NXF1: variants seen among roughly 807,000 people sequenced by gnomAD.
The protein encoded by NXF1 is nuclear RNA export factor 1.
NXF1 carries 43 observed loss-of-function variants against 92.4 expected under a neutral mutation model. That is an observed-to-expected ratio of 0.47 (90% CI 0.36 to 0.60). The LOEUF is 0.60. Ranked by LOEUF, NXF1 falls within the 20% of genes least tolerant of loss-of-function variation. The pLI, the probability that NXF1 is intolerant of heterozygous loss-of-function variation, is 0.00. For synonymous variants in NXF1, 288 were observed against 292.2 expected, an observed-to-expected ratio of 0.99 and a Z score of 0.15; for missense variants, 576 against 793.0, an observed-to-expected ratio of 0.73 and a Z score of 3.29.
intron 17 of NXF1, 181 bp from the exon 18 acceptor site, chr11:62,795,188 A>AT (rs2084407560): frequency 1.7e-6 from 1 of 575,810 alleles, no homozygotes; most frequent in Admixed American, 2.8e-5. Flanking sequence ...GACAATAGTA[A>AT]TAACTACGGC....
Position 62,801,928 on chromosome 11 carries a change from C to A in NXF1, c.558+14G>T, listed in dbSNP as rs1402928856. On this transcript the variant is annotated intron_variant, in intron 5 of 20. Transcript: ENST00000294172. ...AACCTCCACCTCCAGCCAAGCCAGG[C>A]CCTTTAAACACACCCTTCGGTTCTC... 1.2e-6 allele frequency: 2 copies of A among 1,613,206 alleles called. No individual in the cohort carries two copies. Among genetic ancestry groups the A allele is most frequent in the Non-Finnish European group, 8.5e-7 (1 of 1,179,130 alleles).
At chr11:62,798,621 G>A in intron 10 of NXF1, 46 bp from the exon 11 acceptor site, 1 of 1,609,986 alleles carries the variant, frequency 6.2e-7, no homozygotes, top group Non-Finnish European at 8.5e-7. Context: ...GAGCCACCGT[G>A]CCTCCTGGGC....
rs879028292 is a variant in NXF1 at position 62,794,199 on chromosome 11, A to G, written c.1760+59T>C. ...AACAAAAAAACTGTCAGGAGCCCTC[A>G]TTATTTACTACTAGCCCTACTTCAG... On this transcript the variant is annotated intron_variant, in intron 19 of 20. Coordinates refer to ENST00000294172, the MANE Select transcript of NXF1 (RefSeq NM_006362.5). The G allele has an allele frequency of 2.7e-6, 4 of 1,504,460 alleles. No homozygotes were observed. In the South Asian group the frequency reaches 3.7e-5, roughly 14 times the overall value. 93.2% of individuals were successfully genotyped at this position (1,504,460 alleles called of 1,614,324 possible).
rs762440318 is a variant in NXF1 at position 62,792,451 on chromosome 11, G to A, written c.*25C>T. 3.7e-6 allele frequency: 6 copies of A among 1,613,776 alleles called. No individual in the cohort carries two copies. The Admixed American group carries it at 6.7e-5, about 18-fold the overall frequency. ...ATATCCAAGGACTATTTACAGGGGG[G>A]ACTGCTTCTGAGGCATGACTACGAT... On this transcript the variant is annotated 3_prime_UTR_variant, in exon 21 of 21. Coordinates refer to ENST00000294172, the MANE Select transcript of NXF1 (RefSeq NM_006362.5).
chr11:62,797,080 A>AC, intron 13 of NXF1, 103 bp downstream of exon 13: 1 of 1,097,948 alleles, frequency 9.1e-7, no homozygotes, highest in Non-Finnish European at 1.3e-6. Flanking sequence ...AAAAAAAAAA[A>AC]AAACAAAACA....
chr11:62,802,205 T>G lies in NXF1; in HGVS notation c.425A>C (p.Lys142Thr). The change falls in exon 4 of 21, where the codon AAG becomes ACG. Residue 142 changes from lysine to threonine, a missense_variant. Lys to Thr is a moderately conservative substitution (Grantham distance 78, BLOSUM62 -1). Around this residue, in one of 2 missense-constraint regions of NXF1, gnomAD observed 425 missense variants for 635.2 expected, o/e 0.67. Coordinates refer to ENST00000294172, the MANE Select transcript of NXF1 (RefSeq NM_006362.5). ...KAWLLSMIQS[K>T]CSVPFTPIEF... Reference sequence around the variant, plus strand: ...AATAGGGGTGAAGGGCACACTGCACTTGCTCTGAATCATGCTCAGGAGCCA... The same window carrying G: ...AATAGGGGTGAAGGGCACACTGCACGTGCTCTGAATCATGCTCAGGAGCCA... 1.2e-6 allele frequency: 2 copies of G among 1,614,226 alleles called. No homozygotes were observed. Among genetic ancestry groups the G allele is most frequent in the African/African-American group, 2.7e-5 (2 of 75,062 alleles).
intron 6 of NXF1, 24 bp from the exon 7 acceptor site, chr11:62,801,655 T>C: frequency 1.9e-6 from 3 of 1,613,002 alleles, no homozygotes; most frequent in Non-Finnish European, 1.7e-6. Flanking sequence ...AAGGGTTTAG[T>C]GGTCACTGGG....
At chr11:62,793,134 A>T (rs2084383933) in intron 19 of NXF1, among the ~76,000 whole-genome samples, 1 of 149,708 alleles carries the variant, frequency 6.7e-6, no homozygotes, top group African/African-American at 2.5e-5. Flanking sequence ...GCTGGAGTGC[A>T]GTGGCGTGAT....
chr11:62,804,200 T>A, intron 1 of NXF1: 1 of 1,514,206 alleles, frequency 6.6e-7, no homozygotes, highest in Non-Finnish European at 8.8e-7. Context: ...TTTTGAAAAA[T>A]GAAGTAGAAA....
At chr11:62,805,291 CCA>C (rs2084524798) in intron 1 of NXF1, 36 bp downstream of exon 1, 1 of 1,586,234 alleles carries the variant, frequency 6.3e-7, no homozygotes, top group South Asian at 1.1e-5. Context: ...CACCCGCGCC[CCA>C]GATAGCCAGT....
At chr11:62,800,828 G>A (rs540519997) in intron 9 of NXF1, among the ~76,000 whole-genome samples, 14 of 152,070 alleles carry the variant, frequency 9.2e-5, no homozygotes, top group South Asian at 2.1e-4. Flanking sequence ...AGAATGCAAC[G>A]GCACAATCAT....
At position 62,801,115 on chromosome 11, in the gene NXF1, G is replaced by A. The variant is rs144471031; in HGVS notation, c.885C>T (p.Ile295=). ...TCACTTCATTTCCAGAAAGGTTTAG[G>A]ATCTTCAGGTTGGGTGCCTTCTGAA... The part of the protein sequence containing the change: ...SIVQKAPNLK[I]LNLSGNELKS... Residue 295 remains isoleucine, a synonymous_variant, in exon 9 of 21, where the codon ATC becomes ATT. Transcript: ENST00000294172. 123 of 1,613,750 alleles carry A rather than the reference G, an allele frequency of 7.6e-5. No homozygotes were observed. Among genetic ancestry groups the A allele is most frequent in the Non-Finnish European group, 1.0e-4 (120 of 1,179,806 alleles).
Position 62,800,358 on chromosome 11 carries a change from GAC to G in NXF1, c.1016+17_1016+18del. ...GGGGGTGAAGGTCCCCAGGAGGGGA[GAC>G]ACAGGCTACAACTGACCTGATGTAG... is the stretch of plus-strand genomic sequence containing the variant. On this transcript the variant is annotated intron_variant, in intron 10 of 20. Coordinates refer to ENST00000294172, the MANE Select transcript of NXF1 (RefSeq NM_006362.5). The G allele has an allele frequency of 3.1e-6, 5 of 1,613,936 alleles. No individual in the cohort carries two copies. Among genetic ancestry groups the G allele is most frequent in the Non-Finnish European group, 2.5e-6 (3 of 1,179,928 alleles).
rs779885007 is a variant in NXF1, at chr11:62,798,520, GA to G, written c.1053+18del. 1.5e-5 allele frequency: 24 copies of G among 1,613,778 alleles called. No individual in the cohort carries two copies. In the Middle Eastern group the frequency reaches 6.6e-4, roughly 44 times the overall value. ...TGAGAGATGCTGTGCTTGTTAGAAT[GA>G]AAAAATTATGGACTTACCAGGCGTA... On this transcript the variant is annotated intron_variant, in intron 11 of 20. Transcript: ENST00000294172.
intron 18 of NXF1, 132 bp downstream of exon 18, chr11:62,794,803 C>A: frequency 2.5e-6 from 2 of 808,736 alleles, no homozygotes; most frequent in Non-Finnish European, 4.0e-6. Flanking sequence ...TGGCTCTTAA[C>A]TACTATGTGA....
At chr11:62,796,019 C>T in intron 16 of NXF1, 47 bp downstream of exon 16, 1 of 1,598,932 alleles carries the variant, frequency 6.3e-7, no homozygotes, top group Non-Finnish European at 8.6e-7. Flanking sequence ...TTAAATGCCA[C>T]CCCCACCCCA....
Position 62,803,579 on chromosome 11 carries a change from G to A in NXF1, c.216-7C>T. On this transcript the variant is annotated splice_polypyrimidine_tract_variant and splice_region_variant and intron_variant, in intron 2 of 20. Transcript: ENST00000294172. The stretch of plus-strand genomic sequence containing the variant: ...TCGGGTGGTATAGGGGTTGCTGTGG[G>A]TAAGCAGAGAATAAAATGACCACAA... 6.2e-7 allele frequency: 1 copy of A among 1,614,012 alleles called. No homozygotes were observed. The highest frequency in any genetic ancestry group is 8.5e-7 in the Non-Finnish European group (1 of 1,180,004).
intron 3 of NXF1, among the ~76,000 whole-genome samples, chr11:62,803,214 G>A (rs2084498916): frequency 6.6e-6 from 1 of 152,126 alleles, no homozygotes; most frequent in African/African-American, 2.4e-5. Flanking sequence ...AGCTACTCGG[G>A]AGACTGAGGC....
intron 8 of NXF1, 55 bp downstream of exon 8, chr11:62,801,274 T>A: frequency 1.2e-6 from 2 of 1,607,522 alleles, no homozygotes; most frequent in East Asian, 2.2e-5. Flanking sequence ...CTCCAGCCAC[T>A]TCCTATCTAA....
Sources: allele counts gnomAD v4.1 joint callset (sites outside exome capture counted in the v4.1 genomes callset), GRCh38; gene constraint gnomAD v4.1.1; regional missense constraint gnomAD v4.1.1; transcripts MANE v1.5; gene names NCBI Gene and HGNC (gene_info 2026-07-23, HGNC 2026-07-21).